PTPRD: variants seen among roughly 807,000 people sequenced by gnomAD.
PTPRD encodes the protein receptor-type tyrosine-protein phosphatase delta.
PTPRD carries 34 observed loss-of-function variants against 214.5 expected under a neutral mutation model. The observed-to-expected ratio is 0.16, with a 90% CI of 0.12 to 0.21. The LOEUF (loss-of-function observed/expected upper bound fraction) is 0.21. Among genes scored for constraint, PTPRD ranks in the 10% least tolerant of loss-of-function variants. The pLI is 1.00. For missense variants in PTPRD, 2,545 were observed against 2,398.7 expected, an observed-to-expected ratio of 1.06 and a Z score of -1.27; for synonymous variants, 1,128 against 845.7, an observed-to-expected ratio of 1.33 and a Z score of -5.79.
chr9:8,333,501 T>C (rs1843475246), intron 43 of PTPRD, among the ~76,000 whole-genome samples: 1 of 152,124 alleles, frequency 6.6e-6, no homozygotes, highest in Non-Finnish European at 1.5e-5. Flanking sequence ...GAAAAGCAAA[T>C]GCTGAGAGAT....
At chr9:8,990,380 G>T (rs111237927) in intron 11 of PTPRD, among the ~76,000 whole-genome samples, 23 of 152,104 alleles carry the variant, frequency 1.5e-4, no homozygotes, top group African/African-American at 5.6e-4. Context: ...TGCTTGTACC[G>T]AACATGTAAT....
At chr9:8,644,818 C>A (rs1320880173) in intron 12 of PTPRD, among the ~76,000 whole-genome samples, 1 of 152,202 alleles carries the variant, frequency 6.6e-6, no homozygotes, top group Non-Finnish European at 1.5e-5. Flanking sequence ...CCTTGCCATT[C>A]CATGCCTGAC....
chr9:9,904,807 G>C (rs373439897), intron 5 of PTPRD, among the ~76,000 whole-genome samples: 1 of 151,984 alleles, frequency 6.6e-6, no homozygotes, highest in South Asian at 2.1e-4. Context: ...GACATTCACC[G>C]AAGTTTTGTT....
In PTPRD at chr9:9,986,288, A is replaced by G. The variant is rs138691258; in HGVS notation, c.-472+47430T>C. On this transcript the variant is annotated intron_variant, in intron 4 of 45. Transcript: ENST00000381196. ...CTGGACAATAGTAAAAGGTGTAAAC[A>G]TCACTTTTGCATTGTAGTATTAGTA... Among the ~76,000 whole-genome samples the G allele has an allele frequency of 5.2e-3, 798 of 152,278 alleles. 6 individuals are homozygous for G. Among genetic ancestry groups the G allele is most frequent in the African/African-American group, 0.015 (626 of 41,576 alleles).
chr9:8,685,214 A>T (rs1352732704), intron 12 of PTPRD, among the ~76,000 whole-genome samples: 1 of 152,038 alleles, frequency 6.6e-6, no homozygotes, highest in Non-Finnish European at 1.5e-5. Context: ...CTTTCAAAGG[A>T]AACAAAAAGG....
intron 36 of PTPRD, among the ~76,000 whole-genome samples, chr9:8,397,670 C>T (rs1456063480): frequency 1.3e-5 from 2 of 152,116 alleles, no homozygotes; most frequent in African/African-American, 4.8e-5. Context: ...ACAACTGAAA[C>T]CTAGAGCACT....
At chr9:8,924,046 T>A (rs2098846397) in intron 11 of PTPRD, among the ~76,000 whole-genome samples, 1 of 152,204 alleles carries the variant, frequency 6.6e-6, no homozygotes, top group Non-Finnish European at 1.5e-5. Flanking sequence ...TTTCTAAATT[T>A]AGAATGAAGA....
intron 9 of PTPRD, among the ~76,000 whole-genome samples, chr9:9,325,366 A>T (rs778534114): frequency 0.017 from 2,598 of 152,076 alleles, 74 homozygotes; most frequent in African/African-American, 0.06. Context: ...TTTTTATTTC[A>T]TTGAGCAGTG....
At chr9:10,526,805 G>A (rs2054428003) in intron 2 of PTPRD, among the ~76,000 whole-genome samples, 1 of 151,990 alleles carries the variant, frequency 6.6e-6, no homozygotes, top group Admixed American at 6.6e-5. Flanking sequence ...TTAACTTGTC[G>A]ATTCTCAATG....
intron 11 of PTPRD, among the ~76,000 whole-genome samples, chr9:8,747,514 G>A (rs1384748683): frequency 4.6e-5 from 7 of 151,970 alleles, no homozygotes; most frequent in Admixed American, 1.3e-4. Context: ...AAAAGGAACC[G>A]CCAAGCAGAT....
intron 3 of PTPRD, among the ~76,000 whole-genome samples, chr9:10,288,088 T>C (rs1217353940): frequency 6.9e-6 from 1 of 144,770 alleles, no homozygotes; most frequent in Non-Finnish European, 1.5e-5. Context: ...TCTAAAATAC[T>C]TTAAAAATTT....
At position 9,978,541 on chromosome 9, in the gene PTPRD, A is replaced by T. The variant is rs556063112; in HGVS notation, c.-471-39931T>A. Among the ~76,000 whole-genome samples the T allele has an allele frequency of 2.6e-4, 40 of 152,238 alleles. No individual in the cohort carries two copies. In the South Asian group the frequency reaches 7.5e-3, roughly 28 times the overall value. ...TGAAGGTAAAATTTAAAAAATAAAT[A>T]AAAAAGCAGAGCATTAAGAGGCATG... On this transcript the variant is annotated intron_variant, in intron 4 of 45. Coordinates refer to ENST00000381196, the MANE Select transcript of PTPRD (RefSeq NM_002839.4).
At chr9:10,271,401 T>A (rs1290473164) in intron 3 of PTPRD, among the ~76,000 whole-genome samples, 1 of 152,036 alleles carries the variant, frequency 6.6e-6, no homozygotes, top group Non-Finnish European at 1.5e-5. Context: ...TCTTTATGAC[T>A]TCTAAGAATC....
chr9:8,773,123 C>G (rs528863400), intron 11 of PTPRD, among the ~76,000 whole-genome samples: 1 of 152,284 alleles, frequency 6.6e-6, no homozygotes, highest in East Asian at 1.9e-4. Flanking sequence ...CAGCCCTGTG[C>G]AAGCTCCAGA....
At chr9:10,111,678 A>G (rs1241555994) in intron 3 of PTPRD, among the ~76,000 whole-genome samples, 1 of 152,132 alleles carries the variant, frequency 6.6e-6, no homozygotes, top group Non-Finnish European at 1.5e-5. Flanking sequence ...AGGAGCTTGT[A>G]GGTTTTCTAC....
chr9:8,560,359 T>TG (rs1407522492), intron 14 of PTPRD, among the ~76,000 whole-genome samples: 1 of 150,472 alleles, frequency 6.6e-6, no homozygotes, highest in Non-Finnish European at 1.5e-5. Flanking sequence ...AAATGCAAAA[T>TG]GGGGGGAGTG....
At chr9:10,172,655 G>A (rs2099217243) in intron 3 of PTPRD, among the ~76,000 whole-genome samples, 1 of 152,134 alleles carries the variant, frequency 6.6e-6, no homozygotes, top group South Asian at 2.1e-4. Context: ...TGAATTAGGA[G>A]AACAGGAGCA....
chr9:10,032,904 T>C (rs1281186595), intron 4 of PTPRD, among the ~76,000 whole-genome samples: 5 of 151,998 alleles, frequency 3.3e-5, no homozygotes, highest in African/African-American at 1.2e-4. Flanking sequence ...TATAGCAATG[T>C]ATATGAACTT....
In PTPRD at chr9:9,386,162, G is replaced by A. The variant is rs10977711; in HGVS notation, c.-203+11287C>T. ...CTGTAGGCTTAGTTACAATGACAGC[G>A]TCCAATATATGTTTCCAATGACATG... is the stretch of plus-strand genomic sequence containing the variant. On this transcript the variant is annotated intron_variant, in intron 9 of 45. Coordinates refer to ENST00000381196, the MANE Select transcript of PTPRD (RefSeq NM_002839.4). Among the ~76,000 whole-genome samples, 52 of 152,196 alleles carry A rather than the reference G, an allele frequency of 3.4e-4. No homozygotes were observed. The South Asian group carries it at 0.01, about 30-fold the overall frequency.
Sources: gnomAD v4.1 joint callset for allele counts (sites outside exome capture counted in the v4.1 genomes callset) on GRCh38, gnomAD v4.1.1 for gene constraint, MANE v1.5 for transcripts, NCBI Gene and HGNC (gene_info 2026-07-23, HGNC 2026-07-21) for gene names.